TUBA4B: variants seen among roughly 807,000 people sequenced by gnomAD.
TUBA4B encodes tubulin-like protein alpha-4B.
In TUBA4B, 13 loss-of-function variants were observed where a neutral mutation model predicts 18.4. The observed-to-expected ratio is 0.71, with a 90% confidence interval of 0.46 to 1.12. TUBA4B has a LOEUF of 1.12. Among genes scored for constraint, TUBA4B ranks in the 50% most tolerant of loss-of-function variants. The probability of loss-of-function intolerance (pLI) is 0.00; values close to 1 mark genes in which losing one functional copy is unlikely to be tolerated. For missense variants in TUBA4B, 244 were observed against 250.0 expected (o/e 0.98, Z 0.16); for synonymous variants, 101 against 99.1 (o/e 1.02, Z -0.11).
At chr2:219,262,252 A>G (rs1472320423) in intron 1 of TUBA4B, among the ~76,000 whole-genome samples, 5 of 152,244 alleles carry the variant, frequency 3.3e-5, no homozygotes. Flanking sequence ...CAGAGCTTGC[A>G]GTGAGCTGAG....
At chr2:219,254,494 A>C (rs545928182) in intron 1 of TUBA4B, 1 of 152,312 alleles carries the variant, frequency 6.6e-6, no homozygotes, top group South Asian at 2.1e-4. Flanking sequence ...TGAGCCCCAG[A>C]TTGCCAATGC....
At chr2:219,254,368 C>T (rs1381634439) in intron 1 of TUBA4B, 9 of 152,710 alleles carry the variant, frequency 5.9e-5, no homozygotes, top group African/African-American at 2.2e-4. Flanking sequence ...GGCTGTGAGG[C>T]TGTGGCGCGT....
At chr2:219,266,349 G>A (rs1310440052) in intron 1 of TUBA4B, 172 bp from the exon 2 acceptor site, 2 of 577,840 alleles carry the variant, frequency 3.5e-6, no homozygotes, top group Non-Finnish European at 6.2e-6. Context: ...TCCCCTGTTT[G>A]GGTGCAGGCC....
intron 1 of TUBA4B, among the ~76,000 whole-genome samples, chr2:219,255,745 A>C (rs45526932): frequency 0.023 from 3,544 of 152,204 alleles, 138 homozygotes; most frequent in African/African-American, 0.081. Context: ...TGGTTTGCAG[A>C]TCTTAAGAAA....
chr2:219,269,188 T>G (rs983787852), intron 2 of TUBA4B, among the ~76,000 whole-genome samples: 2 of 152,048 alleles, frequency 1.3e-5, no homozygotes, highest in Non-Finnish European at 2.9e-5. Flanking sequence ...CTGCTTCCCC[T>G]GCCAGAGAGC....
At chr2:219,253,714 G>T in intron 1 of TUBA4B, 4 of 1,030,566 alleles carry the variant, frequency 3.9e-6, no homozygotes, top group Non-Finnish European at 4.3e-6. Context: ...GGAGGGGGTT[G>T]GGGAGGGAGG....
rs544258657 is a variant in TUBA4B at position 219,271,239 on chromosome 2, C to A, written c.266C>A (p.Thr89Asn). 93 of 1,307,822 alleles carry A rather than the reference C, an allele frequency of 7.1e-5. No individual in the cohort carries two copies. The highest frequency in any genetic ancestry group is 1.0e-4 in the Admixed American group (6 of 59,642). 81.0% of individuals were successfully genotyped at this position (1,307,822 alleles called of 1,614,324 possible). Reference protein sequence around the residue: ...SLGRGTGSDVTSFLMEWLSVN... With the variant: ...SLGRGTGSDVNSFLMEWLSVN... Reference sequence around the variant, plus strand: ...GGTCGGGGCACTGGCTCTGACGTCACCTCATTCCTGATGGAGTGGCTTTCT... The same window carrying A: ...GGTCGGGGCACTGGCTCTGACGTCAACTCATTCCTGATGGAGTGGCTTTCT... Residue 89 changes from threonine to asparagine, a missense_variant, in exon 4 of 4, where the codon ACC (threonine) becomes AAC (asparagine). Thr to Asn is a moderately conservative substitution (Grantham distance 65, BLOSUM62 0). Transcript: ENST00000490341.
intron 1 of TUBA4B, among the ~76,000 whole-genome samples, chr2:219,259,027 A>C (rs752737744): frequency 6.6e-6 from 1 of 151,862 alleles, no homozygotes; most frequent in Non-Finnish European, 1.5e-5. Context: ...CCCTCCTGTA[A>C]ATCCTAGCAC....
At position 219,256,613 on chromosome 2, in the gene TUBA4B, G is replaced by T. The variant is rs550421807; in HGVS notation, c.12+3194G>T. On this transcript the variant is annotated intron_variant, in intron 1 of 3. Coordinates refer to ENST00000490341, the MANE Select transcript of TUBA4B (RefSeq NM_001355221.1). ...GGTAAAGATCTTGAGATAGGGAGAT[G>T]ATCCTGGATTATCCCAGGTAGGCCC... Among the ~76,000 whole-genome samples, 5 of 152,356 alleles carry T rather than the reference G, an allele frequency of 3.3e-5. No homozygotes were observed. The South Asian group carries it at 1.0e-3, about 32-fold the overall frequency.
intron 1 of TUBA4B, among the ~76,000 whole-genome samples, chr2:219,259,123 A>ATAAT (rs1336306461): frequency 1.7e-5 from 2 of 120,806 alleles, no homozygotes; most frequent in East Asian, 2.1e-4. Flanking sequence ...TCTACTAAAA[A>ATAAT]TAATAAATAA....
intron 1 of TUBA4B, among the ~76,000 whole-genome samples, chr2:219,254,896 G>A (rs529614322): frequency 4.7e-4 from 71 of 152,302 alleles, no homozygotes; most frequent in South Asian, 6.2e-4. Flanking sequence ...TCTGACTCTT[G>A]GTCTCTTCTG....
At chr2:219,256,653 G>C (rs945665828) in intron 1 of TUBA4B, among the ~76,000 whole-genome samples, 3 of 152,118 alleles carry the variant, frequency 2.0e-5, no homozygotes, top group Non-Finnish European at 2.9e-5. Flanking sequence ...TAATTTCAAG[G>C]GTCCTTATAA....
At chr2:219,263,205 A>G (rs1441278032) in intron 1 of TUBA4B, among the ~76,000 whole-genome samples, 1 of 151,396 alleles carries the variant, frequency 6.6e-6, no homozygotes, top group Non-Finnish European at 1.5e-5. Flanking sequence ...TAAAAATCTC[A>G]GTCTTGGCCG....
chr2:219,271,243 A>C lies in TUBA4B; in HGVS notation c.270A>C (p.Ser90=), dbSNP rs1450766382. ...LGRGTGSDVT[S]FLMEWLSVNY... is the part of the protein sequence containing the mutation. ...GGGGCACTGGCTCTGACGTCACCTC[A>C]TTCCTGATGGAGTGGCTTTCTGTTA... The change falls in exon 4 of 4, where the codon TCA becomes TCC. Residue 90 remains serine (S), a synonymous_variant. Coordinates refer to ENST00000490341, the MANE Select transcript of TUBA4B (RefSeq NM_001355221.1). 7.5e-7 allele frequency: 1 copy of C among 1,329,744 alleles called. No homozygotes were observed. The highest frequency in any genetic ancestry group is 1.7e-5 in the Admixed American group (1 of 59,654). 82.4% of individuals were successfully genotyped at this position (1,329,744 alleles called of 1,614,324 possible).
chr2:219,253,301 G>A lies in TUBA4B; in HGVS notation c.-107G>A. ...GGAGAGGGCCAGCTCGCTTCAGGAG[G>A]CCGAACCCCGTTCCCACCAACCCTC... On this transcript the variant is annotated 5_prime_UTR_variant, in exon 1 of 4. Transcript: ENST00000490341. 1 of 1,515,532 alleles carries A rather than the reference G, an allele frequency of 6.6e-7. No individual in the cohort carries two copies. The highest frequency in any genetic ancestry group is 8.8e-7 in the Non-Finnish European group (1 of 1,135,648). 93.9% of individuals were successfully genotyped at this position (1,515,532 alleles called of 1,614,324 possible). A position where few individuals can be genotyped will look rare whatever the true frequency, so the allele number is the denominator to read the frequency against.
Position 219,263,728 on chromosome 2 carries a change from C to T in TUBA4B, c.13-2793C>T, listed in dbSNP as rs1222657881. On this transcript the variant is annotated intron_variant, in intron 1 of 3. Transcript: ENST00000490341. ...TCTTTGATATGTTAAGTGGCTGGGT[C>T]TCTTCTTTGGGCCTCTTTGTTCCAG... 3.3e-5 allele frequency among the ~76,000 whole-genome samples: 5 copies of T among 152,176 alleles called. No individual in the cohort carries two copies. The East Asian group carries it at 9.6e-4, about 29-fold the overall frequency.
At chr2:219,260,101 C>T (rs930681811) in intron 1 of TUBA4B, among the ~76,000 whole-genome samples, 5 of 151,998 alleles carry the variant, frequency 3.3e-5, no homozygotes, top group East Asian at 3.8e-4. Context: ...ATGACAGCAC[C>T]GGCTTCTAGC....
intron 1 of TUBA4B, 50 bp downstream of exon 1, chr2:219,253,469 G>C: frequency 7.2e-7 from 1 of 1,389,824 alleles, no homozygotes; most frequent in East Asian, 2.5e-5. Flanking sequence ...CTCGGTCAGT[G>C]CTGAGGACCA....
In TUBA4B at chr2:219,272,098, T is replaced by A; in HGVS notation, c.*399T>A. 1.0e-6 allele frequency: 1 copy of A among 956,840 alleles called. No homozygotes were observed. The highest frequency in any genetic ancestry group is 1.6e-6 in the Non-Finnish European group (1 of 613,144). 59.3% of individuals were successfully genotyped at this position (956,840 alleles called of 1,614,324 possible). ...GAGAAGGATTACAAGGAGGTGGGCATGGATAGTGTGGAGTGGGGGGAAGAA... is the reference window on the plus strand; with the variant it reads ...GAGAAGGATTACAAGGAGGTGGGCAAGGATAGTGTGGAGTGGGGGGAAGAA... On this transcript the variant is annotated 3_prime_UTR_variant, in exon 4 of 4. Coordinates refer to ENST00000490341, the MANE Select transcript of TUBA4B (RefSeq NM_001355221.1).
Sources: gnomAD v4.1 joint callset for allele counts (sites outside exome capture counted in the v4.1 genomes callset) on GRCh38, gnomAD v4.1.1 for gene constraint, MANE v1.5 for transcripts, NCBI Gene and HGNC (gene_info 2026-07-23, HGNC 2026-07-21) for gene names.